LPCAT1: variants seen among roughly 807,000 people sequenced by gnomAD.
The protein encoded by LPCAT1 is lysophosphatidylcholine acyltransferase 1.
LPCAT1 carries 23 observed loss-of-function variants against 60.9 expected under a neutral mutation model. The observed-to-expected ratio is 0.38, with a 90% CI of 0.27 to 0.53. The LOEUF is 0.53. Among genes scored for constraint, LPCAT1 ranks in the 20% least tolerant of loss-of-function variants. LPCAT1 has a pLI of 0.82. For missense variants in LPCAT1, 622 were observed against 723.6 expected, an observed-to-expected ratio of 0.86 and a Z score of 1.61; for synonymous variants, 340 against 301.1, an observed-to-expected ratio of 1.13 and a Z score of -1.34.
Position 1,480,412 on chromosome 5 carries a change from G to A in LPCAT1, c.761+530C>T, listed in dbSNP as rs367584643. ...CTGCCCTCCCGACGTCAGCTCAGAC[G>A]TCAGCACCCAGGAGGCCCTGACCAG... On this transcript the variant is annotated intron_variant, in intron 7 of 13. Transcript: ENST00000283415. This position sits in a 1 kb window ranked among gnomAD's most constrained non-coding sequence, Gnocchi z 6.4. 1.1e-5 allele frequency: 11 copies of A among 983,136 alleles called. No individual in the cohort carries two copies. In the South Asian group the frequency reaches 1.4e-4, roughly 13 times the overall value. 60.9% of individuals were successfully genotyped at this position (983,136 alleles called of 1,614,324 possible). A position where few individuals can be genotyped will look rare whatever the true frequency, so the allele number is the denominator to read the frequency against.
intron 13 of LPCAT1, among the ~76,000 whole-genome samples, chr5:1,466,016 T>C (rs2126469782): frequency 6.6e-6 from 1 of 152,280 alleles, no homozygotes; most frequent in East Asian, 1.9e-4. Flanking sequence ...CGCAGCTCTC[T>C]CGCGTGTCTT....
At chr5:1,467,151 C>A (rs1734449061) in intron 12 of LPCAT1, 7 of 373,146 alleles carry the variant, frequency 1.9e-5, no homozygotes, top group Admixed American at 4.6e-5. Context: ...GCCCACCCCA[C>A]CCGTGATAGC....
rs763040673 is a variant in LPCAT1, at chr5:1,473,992, C to A, written c.1144G>T (p.Asp382Tyr). The A allele has an allele frequency of 3.7e-6, 6 of 1,614,230 alleles. No homozygotes were observed. The highest frequency in any genetic ancestry group is 5.1e-6 in the Non-Finnish European group (6 of 1,180,052). Residue 382 changes from aspartate to tyrosine, a missense_variant, in exon 11 of 14, where the codon GAC (aspartate) becomes TAC (tyrosine). Physicochemically the swap from Asp to Tyr is radical, Grantham distance 160 (BLOSUM62 -3). Coordinates refer to ENST00000283415, the MANE Select transcript of LPCAT1 (RefSeq NM_024830.5). ...FAASLEVPVSDLLEDMFSLFD... is the reference protein window; with the variant it reads ...FAASLEVPVSYLLEDMFSLFD... ...AGTGAAAACATGTCTTCCAGCAAGTCAGAAACGGGGACTTCCAGGGAGGCG... is the reference window on the plus strand; with the variant it reads ...AGTGAAAACATGTCTTCCAGCAAGTAAGAAACGGGGACTTCCAGGGAGGCG...
Position 1,480,872 on chromosome 5 carries a change from CA to C in LPCAT1, c.761+69del. ...CTGCAAAAGTAACTAGCGTGCACAG[CA>C]GACCCCAAGCAGCCCCTACGTGTTC... On this transcript the variant is annotated intron_variant, in intron 7 of 13. Transcript: ENST00000283415. The surrounding 1 kb of genome is among the most constrained non-coding windows in gnomAD (Gnocchi z 6.4). The C allele has an allele frequency of 1.3e-6, 2 of 1,573,290 alleles. No homozygotes were observed. Among genetic ancestry groups the C allele is most frequent in the South Asian group, 2.2e-5 (2 of 90,296 alleles).
intron 1 of LPCAT1, among the ~76,000 whole-genome samples, chr5:1,513,266 G>T (rs571469896): frequency 6.6e-6 from 1 of 152,150 alleles, no homozygotes; most frequent in African/African-American, 2.4e-5. Context: ...AAGGGTTTGG[G>T]ACACCCAGCC....
chr5:1,470,764 T>C (rs1734634194), intron 12 of LPCAT1, 62 bp downstream of exon 12: 4 of 1,242,084 alleles, frequency 3.2e-6, no homozygotes, highest in Middle Eastern at 1.9e-4. Flanking sequence ...AAATGAACAA[T>C]GGTGCTGACG....
chr5:1,518,617 G>A (rs1736580948), intron 1 of LPCAT1, among the ~76,000 whole-genome samples: 1 of 152,232 alleles, frequency 6.6e-6, no homozygotes, highest in Non-Finnish European at 1.5e-5. Context: ...TGGGATTACA[G>A]GCGTGAGCCG....
chr5:1,510,397 C>T (rs554231689), intron 1 of LPCAT1, among the ~76,000 whole-genome samples: 151 of 152,368 alleles, frequency 9.9e-4, no homozygotes, highest in Middle Eastern at 3.4e-3. Context: ...CCAGAACCCT[C>T]GGCACCATCA....
chr5:1,483,983 G>A lies in LPCAT1; in HGVS notation c.668-497C>T, dbSNP rs779282913. Among the ~76,000 whole-genome samples the A allele has an allele frequency of 3.9e-5, 6 of 152,238 alleles. No homozygotes were observed. Among genetic ancestry groups the A allele is most frequent in the African/African-American group, 7.2e-5 (3 of 41,460 alleles). Reference sequence around the variant, plus strand: ...GTGGGAAGTGGGGGTCCTCATCACCGGCCAATGCTCACCCACCTGACGGGG... The same window carrying A: ...GTGGGAAGTGGGGGTCCTCATCACCAGCCAATGCTCACCCACCTGACGGGG... On this transcript the variant is annotated intron_variant, in intron 5 of 13. Coordinates refer to ENST00000283415, the MANE Select transcript of LPCAT1 (RefSeq NM_024830.5). This position sits in a 1 kb window ranked among gnomAD's most constrained non-coding sequence, Gnocchi z 9.2.
chr5:1,522,568 C>CAA lies in LPCAT1; in HGVS notation c.135+1141_135+1142insTT, dbSNP rs1736708266. Among the ~76,000 whole-genome samples the CAA allele has an allele frequency of 6.6e-6, 1 of 152,182 alleles. No individual in the cohort carries two copies. Among genetic ancestry groups the CAA allele is most frequent in the Non-Finnish European group, 1.5e-5 (1 of 68,028 alleles). Reference sequence around the variant, plus strand: ...CCGTCCCCTTCCATACCCTGAGGACCAGCCGCATCAAGGGGCTTTGAGCAA... The same window carrying CAA: ...CCGTCCCCTTCCATACCCTGAGGACCAAAGCCGCATCAAGGGGCTTTGAGCAA... On this transcript the variant is annotated intron_variant, in intron 1 of 13. Transcript: ENST00000283415. This position sits in a 1 kb window ranked among gnomAD's most constrained non-coding sequence, Gnocchi z 6.8.
At chr5:1,512,304 G>A (rs1032712513) in intron 1 of LPCAT1, among the ~76,000 whole-genome samples, 21 of 152,182 alleles carry the variant, frequency 1.4e-4, no homozygotes, top group South Asian at 1.2e-3. Flanking sequence ...GGCCACACCC[G>A]CCTTCGGAGT....
rs543384470 is a variant in LPCAT1, at chr5:1,501,692, G to A, written c.136-89C>T. The A allele has an allele frequency of 4.1e-5, 55 of 1,337,862 alleles. 1 individual carries two copies. In the Admixed American group the frequency reaches 4.6e-4, roughly 11 times the overall value. The allele number at this position is 1,337,862 out of a possible 1,614,324, so 82.9% of individuals were successfully genotyped here. On this transcript the variant is annotated intron_variant, in intron 1 of 13. Transcript: ENST00000283415. ...GCAGAGGCTAGCCCAGGGGGACAGCGCGCCCCACAGAGTGGAGAGCTGGGG... is the reference window on the plus strand; with the variant it reads ...GCAGAGGCTAGCCCAGGGGGACAGCACGCCCCACAGAGTGGAGAGCTGGGG...
At chr5:1,516,150 C>G (rs1736500130) in intron 1 of LPCAT1, among the ~76,000 whole-genome samples, 1 of 152,186 alleles carries the variant, frequency 6.6e-6, no homozygotes, top group African/African-American at 2.4e-5. Flanking sequence ...CCTGATCGCT[C>G]TAAGGTGAGG....
rs909857916 is a variant in LPCAT1 at position 1,480,571 on chromosome 5, C to G, written c.761+371G>C. On this transcript the variant is annotated intron_variant, in intron 7 of 13. Transcript: ENST00000283415. The surrounding 1 kb of genome is among the most constrained non-coding windows in gnomAD (Gnocchi z 6.4). The stretch of plus-strand genomic sequence containing the variant: ...TCACAGCAGGGGCTGGCCTCCCACC[C>G]AGCACTACTCAGTCTCTGTGCCTGT... Among the ~76,000 whole-genome samples, 1 of 152,164 alleles carries G rather than the reference C, an allele frequency of 6.6e-6. No homozygotes were observed. The highest frequency in any genetic ancestry group is 2.4e-5 in the African/African-American group (1 of 41,440).
In LPCAT1 at chr5:1,481,107, G is replaced by A; in HGVS notation, c.727-131C>T. 3 of 1,129,718 alleles carry A rather than the reference G, an allele frequency of 2.7e-6. No homozygotes were observed. The South Asian group carries it at 3.7e-5, about 14-fold the overall frequency. The allele number at this position is 1,129,718 out of a possible 1,614,324, so 70.0% of individuals were successfully genotyped here. A position where few individuals can be genotyped will look rare whatever the true frequency, so the allele number is the denominator to read the frequency against. ...CGCTGCAGCCAGGGGGAAGGGAGGA[G>A]GGTGCTAGAGCTCCAGCTTCCCAGA... On this transcript the variant is annotated intron_variant, in intron 6 of 13. Transcript: ENST00000283415. The surrounding 1 kb of genome is among the most constrained non-coding windows in gnomAD (Gnocchi z 7.8).
Position 1,477,433 on chromosome 5 carries a change from A to G in LPCAT1, c.870T>C (p.Tyr290=). 11 of 1,614,080 alleles carry G rather than the reference A, an allele frequency of 6.8e-6. No individual in the cohort carries two copies. Among genetic ancestry groups the G allele is most frequent in the Non-Finnish European group, 9.3e-6 (11 of 1,179,974 alleles). The stretch of plus-strand genomic sequence containing the variant: ...CCATGACTCGCCGCACGTTGCTGGC[A>G]TACAGCGCGGGGTTCCTCTTCTCCT... ...SEEEKRNPAL[Y]ASNVRRVMAE... The change falls in exon 9 of 14, where the codon TAT becomes TAC. Residue 290 remains tyrosine, a synonymous_variant. Coordinates refer to ENST00000283415, the MANE Select transcript of LPCAT1 (RefSeq NM_024830.5). This position sits in a 1 kb window ranked among gnomAD's most constrained non-coding sequence, Gnocchi z 6.0.
At chr5:1,513,240 A>C (rs915217468) in intron 1 of LPCAT1, among the ~76,000 whole-genome samples, 2 of 152,192 alleles carry the variant, frequency 1.3e-5, no homozygotes, top group African/African-American at 4.8e-5. Context: ...AGCTCTGCAC[A>C]AATCCCCCTT....
chr5:1,503,598 A>ACGCGC (rs1167721424), intron 1 of LPCAT1, among the ~76,000 whole-genome samples: 2 of 152,192 alleles, frequency 1.3e-5, no homozygotes, highest in African/African-American at 4.8e-5. Flanking sequence ...GTTAAGTAAG[A>ACGCGC]CGCGCCTGTC....
chr5:1,507,332 T>C (rs1396937473), intron 1 of LPCAT1, among the ~76,000 whole-genome samples: 1 of 152,208 alleles, frequency 6.6e-6, no homozygotes, highest in African/African-American at 2.4e-5. Context: ...GGTCACCCTG[T>C]GTGAGCCATA....
Sources: allele counts gnomAD v4.1 joint callset (sites outside exome capture counted in the v4.1 genomes callset), GRCh38; gene constraint gnomAD v4.1.1; non-coding constraint Gnocchi (gnomAD v3.1); transcripts MANE v1.5; gene names NCBI Gene and HGNC (gene_info 2026-07-23, HGNC 2026-07-21).